GLP1R: variants seen among roughly 807,000 people sequenced by gnomAD.
The protein encoded by GLP1R is glucagon-like peptide 1 receptor.
A neutral mutation model predicts 68.4 loss-of-function variants in GLP1R; 32 were observed. The ratio of observed to expected loss-of-function variants is 0.47; its 90% CI spans 0.35 to 0.63. GLP1R has a LOEUF of 0.63. Ranked by LOEUF, GLP1R falls within the 20% of genes least tolerant of loss-of-function variation. GLP1R has a pLI of 0.00. For synonymous variants in GLP1R, 263 were observed against 244.4 expected (o/e 1.08, Z -0.71); for missense variants, 502 against 594.9 (o/e 0.84, Z 1.62).
chr6:39,061,924 G>A (rs376189303), intron 3 of GLP1R, among the ~76,000 whole-genome samples: 32 of 152,236 alleles, frequency 2.1e-4, no homozygotes, highest in African/African-American at 7.0e-4. Context: ...CCTTCATTTC[G>A]AGCCTGGCCT....
chr6:39,085,776 AGGCC>A, intron 12 of GLP1R, 126 bp from the exon 13 acceptor site: 1 of 807,694 alleles, frequency 1.2e-6, no homozygotes. Flanking sequence ...AGGAGCCCGA[AGGCC>A]TTGACTTGTG....
chr6:39,075,490 A>G (rs1034684226), intron 7 of GLP1R, among the ~76,000 whole-genome samples: 1 of 152,178 alleles, frequency 6.6e-6, no homozygotes, highest in Non-Finnish European at 1.5e-5. Context: ...ACACTGCCCT[A>G]GAGGTCTCTG....
chr6:39,048,940 G>A (rs765187189), intron 1 of GLP1R, 22 bp downstream of exon 1: 5 of 1,057,630 alleles, frequency 4.7e-6, no homozygotes, highest in Admixed American at 3.3e-5. Flanking sequence ...GGACCCCGAC[G>A]ACACCGGGGG....
Position 39,088,301 on chromosome 6 carries a change from C to T in GLP1R, c.*2228C>T, listed in dbSNP as rs1190121389. 6.6e-6 allele frequency among the ~76,000 whole-genome samples: 1 copy of T among 151,926 alleles called. No individual in the cohort carries two copies. Among genetic ancestry groups the T allele is most frequent in the African/African-American group, 2.4e-5 (1 of 41,326 alleles). On this transcript the variant is annotated 3_prime_UTR_variant, in exon 13 of 13. Coordinates refer to ENST00000373256, the MANE Select transcript of GLP1R (RefSeq NM_002062.5). ...GCTCCAACCCCCGCTCCCCCGGCCC[C>T]CCGAAGCTATTAATAGTCATTCAAA...
chr6:39,065,605 G>A (rs112949135), intron 3 of GLP1R, 106 bp from the exon 4 acceptor site: 1 of 660,676 alleles, frequency 1.5e-6, no homozygotes, highest in Non-Finnish European at 2.7e-6. Flanking sequence ...AGTCCATTCT[G>A]GGGGAGCAGG....
rs1054507292 is a variant in GLP1R at position 39,049,952 on chromosome 6, C to A, written c.78+1034C>A. On this transcript the variant is annotated intron_variant, in intron 1 of 12. Coordinates refer to ENST00000373256, the MANE Select transcript of GLP1R (RefSeq NM_002062.5). The surrounding 1 kb of genome is among the most constrained non-coding windows in gnomAD (Gnocchi z 4.5). ...ACCCCCAGACCTAAAGAACTGAGAT[C>A]TGTGGGGAGTGGACCTGAACGAACC... 2.6e-5 allele frequency among the ~76,000 whole-genome samples: 4 copies of A among 152,198 alleles called. No individual in the cohort carries two copies. The highest frequency in any genetic ancestry group is 9.7e-5 in the African/African-American group (4 of 41,442).
Position 39,057,590 on chromosome 6 carries a change from TC to T in GLP1R, c.283+15del. 1 of 1,518,058 alleles carries T rather than the reference TC, an allele frequency of 6.6e-7. No individual in the cohort carries two copies. The highest frequency in any genetic ancestry group is 9.0e-7 in the Non-Finnish European group (1 of 1,107,046). 94.0% of individuals were successfully genotyped at this position (1,518,058 alleles called of 1,614,324 possible). ...CCTGGGCCAGCAGTGGTGAGCCCCCTCCCCGACCTGGTACCTGCCCTGGGCC... is the reference window on the plus strand; with the variant it reads ...CCTGGGCCAGCAGTGGTGAGCCCCCTCCCGACCTGGTACCTGCCCTGGGCC... On this transcript the variant is annotated intron_variant, in intron 3 of 12. Transcript: ENST00000373256.
Position 39,066,223 on chromosome 6 carries a change from C to T in GLP1R, c.429C>T (p.Phe143=). Residue 143 remains phenylalanine (F), a synonymous_variant, in exon 5 of 13, where the codon TTC becomes TTT. Transcript: ENST00000373256. ...GCTCCCCGGAGGAGCAGCTCCTGTT[C>T]CTCTACATCATCTACACGGTGGGCT... is the stretch of plus-strand genomic sequence containing the variant. ...ERSSPEEQLL[F]LYIIYTVGYA... 6.2e-7 allele frequency: 1 copy of T among 1,610,784 alleles called. No individual in the cohort carries two copies. The highest frequency in any genetic ancestry group is 8.5e-7 in the Non-Finnish European group (1 of 1,177,196).
chr6:39,076,603 T>C (rs890332042), intron 7 of GLP1R, among the ~76,000 whole-genome samples: 1 of 152,192 alleles, frequency 6.6e-6, no homozygotes. Flanking sequence ...GGAAAGGCTA[T>C]GAAGTGGTTC....
At chr6:39,069,549 C>T (rs1333229086) in intron 5 of GLP1R, among the ~76,000 whole-genome samples, 3 of 135,808 alleles carry the variant, frequency 2.2e-5, no homozygotes, top group South Asian at 2.4e-4. Context: ...AGGAGAATGG[C>T]GTGAACCTGG....
At chr6:39,064,697 T>C (rs1372282809) in intron 3 of GLP1R, among the ~76,000 whole-genome samples, 1 of 152,166 alleles carries the variant, frequency 6.6e-6, no homozygotes, top group Admixed American at 6.5e-5. Context: ...AGGCCAGCCA[T>C]CTCCCTGGTA....
At chr6:39,084,785 G>T (rs1425428305) in intron 12 of GLP1R, among the ~76,000 whole-genome samples, 3 of 152,186 alleles carry the variant, frequency 2.0e-5, no homozygotes, top group African/African-American at 7.2e-5. Context: ...TTCTTTTAAG[G>T]GATGGCATGC....
rs1454776777 is a variant in GLP1R, at chr6:39,079,692, C to T, written c.1172C>T (p.Thr391Ile). 6.2e-7 allele frequency: 1 copy of T among 1,612,796 alleles called. No individual in the cohort carries two copies. Among genetic ancestry groups the T allele is most frequent in the South Asian group, 1.1e-5 (1 of 90,842 alleles). Residue 391 changes from threonine to isoleucine, a missense_variant, in exon 11 of 13, where the codon ACC (threonine) becomes ATC (isoleucine). By Grantham distance (89) the Thr-to-Ile change is moderately conservative. Coordinates refer to ENST00000373256, the MANE Select transcript of GLP1R (RefSeq NM_002062.5). The surrounding 1 kb of genome is among the most constrained non-coding windows in gnomAD (Gnocchi z 4.5). ...AAGCTGTTTACAGAGCTCTCCTTCA[C>T]CTCCTTCCAGGTGACTTCATGCTTG... ...FIKLFTELSF[T>I]SFQGLMVAIL...
At chr6:39,065,187 C>T (rs1346303252) in intron 3 of GLP1R, among the ~76,000 whole-genome samples, 1 of 152,196 alleles carries the variant, frequency 6.6e-6, no homozygotes, top group East Asian at 1.9e-4. Flanking sequence ...TGTCTTCCTT[C>T]CCTTCTCTTG....
At chr6:39,055,834 G>A (rs955157447) in intron 1 of GLP1R, among the ~76,000 whole-genome samples, 18 of 152,062 alleles carry the variant, frequency 1.2e-4, no homozygotes, top group Admixed American at 6.6e-5. Context: ...TACTCTCCCC[G>A]GCCCCCGCAC....
Position 39,087,119 on chromosome 6 carries a change from G to T in GLP1R, c.*1046G>T, listed in dbSNP as rs558187484. The T allele has an allele frequency of 6.6e-6, 1 of 152,368 alleles. No individual in the cohort carries two copies. Among genetic ancestry groups the T allele is most frequent in the South Asian group, 2.1e-4 (1 of 4,828 alleles). The allele number at this position is 152,368 out of a possible 1,614,324, so 9.4% of individuals were successfully genotyped here. A position where few individuals can be genotyped will look rare whatever the true frequency, so the allele number is the denominator to read the frequency against. On this transcript the variant is annotated 3_prime_UTR_variant, in exon 13 of 13. Transcript: ENST00000373256. ...GTCCCCATCAGCACCATGGAGGCAG[G>T]CTCCCCCTGCCTTTGAAATTCCCCC...
Position 39,065,812 on chromosome 6 carries a change from T to C in GLP1R, c.385T>C (p.Ser129Pro), listed in dbSNP as rs1768489629. 6.2e-7 allele frequency: 1 copy of C among 1,603,244 alleles called. No individual in the cohort carries two copies. Among genetic ancestry groups the C allele is most frequent in the African/African-American group, 1.3e-5 (1 of 74,578 alleles). ...PWRDLSECEESKRGERSSPEE... is the reference protein window; with the variant it reads ...PWRDLSECEEPKRGERSSPEE... ...GAGGGACTTGTCGGAGTGCGAGGAG[T>C]CCAAGCGAGGGGAAAGAGTGAGTTG... The change falls in exon 4 of 13, where the codon TCC becomes CCC. Residue 129 changes from serine to proline, a missense_variant. Ser to Pro is a moderately conservative substitution (Grantham distance 74). Coordinates refer to ENST00000373256, the MANE Select transcript of GLP1R (RefSeq NM_002062.5).
At chr6:39,059,024 G>A (rs1768288608) in intron 3 of GLP1R, among the ~76,000 whole-genome samples, 1 of 152,204 alleles carries the variant, frequency 6.6e-6, no homozygotes, top group Non-Finnish European at 1.5e-5. Flanking sequence ...TTGGCACGTG[G>A]GACTGAAGTC....
chr6:39,072,721 G>A (rs1054058668), intron 5 of GLP1R, 141 bp from the exon 6 acceptor site: 3 of 684,096 alleles, frequency 4.4e-6, no homozygotes, highest in Non-Finnish European at 7.4e-6. Context: ...TGATGAGGAA[G>A]AAGGGTATTC....
Sources: gnomAD v4.1 joint callset for allele counts (sites outside exome capture counted in the v4.1 genomes callset) on GRCh38, gnomAD v4.1.1 for gene constraint, Gnocchi (gnomAD v3.1) non-coding constraint, MANE v1.5 for transcripts, NCBI Gene and HGNC (gene_info 2026-07-23, HGNC 2026-07-21) for gene names.